ERV3-1: variants seen among roughly 807,000 people sequenced by gnomAD.
ERV3-1 encodes endogenous retrovirus group 3 member 1, envelope, also known as endogenous retrovirus group 3 member 1 Env polyprotein.
In ERV3-1, 36 loss-of-function variants were observed where a neutral mutation model predicts 24.6. The observed-to-expected ratio is 1.47, with a 90% CI of 1.12 to 1.94. The LOEUF (loss-of-function observed/expected upper bound fraction) is 1.94. Among genes scored for constraint, ERV3-1 ranks in the 30% most tolerant of loss-of-function variants. ERV3-1 has a pLI of 0.00. For missense variants in ERV3-1, 578 were observed against 330.9 expected (o/e 1.75, Z -5.79); for synonymous variants, 211 against 122.6 (o/e 1.72, Z -4.76).
At position 65,006,593 on chromosome 7, in the gene ERV3-1, C is replaced by G. The variant is rs548925782; in HGVS notation, c.-441G>C. Reference sequence around the variant, plus strand: ...CGTCTTAGCTGTGGATCTCCCAATACCTGCAGGTAACGAGGCCACAGAAGC... The same window carrying G: ...CGTCTTAGCTGTGGATCTCCCAATAGCTGCAGGTAACGAGGCCACAGAAGC... On this transcript the variant is annotated 5_prime_UTR_variant, in exon 1 of 2. Transcript: ENST00000394323. The G allele has an allele frequency of 1.9e-4, 296 of 1,572,918 alleles. 2 individuals carry two copies. In the South Asian group the frequency reaches 3.1e-3, roughly 16 times the overall value.
chr7:65,001,664 C>T (rs1037296731), intron 1 of ERV3-1, among the ~76,000 whole-genome samples: 2 of 152,268 alleles, frequency 1.3e-5, no homozygotes, highest in South Asian at 2.1e-4. Flanking sequence ...AGTGTGACAG[C>T]CTGTGTACAG....
In ERV3-1 at chr7:65,006,602, A is replaced by G. The variant is rs1023618573; in HGVS notation, c.-450T>C. On this transcript the variant is annotated 5_prime_UTR_variant, in exon 1 of 2. Coordinates refer to ENST00000394323, the MANE Select transcript of ERV3-1 (RefSeq NM_001007253.4). Reference sequence around the variant, plus strand: ...TGTGGATCTCCCAATACCTGCAGGTAACGAGGCCACAGAAGCTGGGCCTCT... The same window carrying G: ...TGTGGATCTCCCAATACCTGCAGGTGACGAGGCCACAGAAGCTGGGCCTCT... 3.2e-6 allele frequency: 5 copies of G among 1,567,478 alleles called. No homozygotes were observed. The African/African-American group carries it at 6.8e-5, about 21-fold the overall frequency.
In ERV3-1 at chr7:64,991,882, T is replaced by C. The variant is rs1400539188; in HGVS notation, c.1145A>G (p.Asn382Ser). 1 of 766,412 alleles carries C rather than the reference T, an allele frequency of 1.3e-6. No individual in the cohort carries two copies. Among genetic ancestry groups the C allele is most frequent in the Non-Finnish European group, 2.4e-6 (1 of 417,908 alleles). 47.5% of individuals were successfully genotyped at this position (766,412 alleles called of 1,614,324 possible). ...GCTTGGGTGTGGTGATTCAGAATTA[T>C]TGCTTTTGCCCCTCCATAAAGTCTT... ...LGKTLWRGKS[N>S]NSESPHPSPF... Residue 382 changes from asparagine (N) to serine (S), a missense_variant, in exon 2 of 2, where the codon AAT becomes AGT. Coordinates refer to ENST00000394323, the MANE Select transcript of ERV3-1 (RefSeq NM_001007253.4).
Position 64,993,204 on chromosome 7 carries a change from G to C in ERV3-1, c.-178C>G. 2 of 585,714 alleles carry C rather than the reference G, an allele frequency of 3.4e-6. No homozygotes were observed. Among genetic ancestry groups the C allele is most frequent in the Non-Finnish European group, 3.0e-6 (1 of 329,374 alleles). The allele number at this position is 585,714 out of a possible 1,614,324, so 36.3% of individuals were successfully genotyped here. A position where few individuals can be genotyped will look rare whatever the true frequency, so the allele number is the denominator to read the frequency against. On this transcript the variant is annotated 5_prime_UTR_variant, in exon 2 of 2. Transcript: ENST00000394323. ...CTAGTCAGCTTCTGGGGTGACTAGA[G>C]CAGGGCTGTTGTCTCCTCAAGCTTC...
chr7:65,005,647 T>C (rs1480561605), intron 1 of ERV3-1, among the ~76,000 whole-genome samples: 3 of 152,196 alleles, frequency 2.0e-5, no homozygotes, highest in Non-Finnish European at 4.4e-5. Context: ...TTTAGTATTT[T>C]ACTGCAAGCC....
Position 64,993,152 on chromosome 7 carries a change from A to G in ERV3-1, c.-126T>C. On this transcript the variant is annotated 5_prime_UTR_variant, in exon 2 of 2. Coordinates refer to ENST00000394323, the MANE Select transcript of ERV3-1 (RefSeq NM_001007253.4). ...TCTAACCACATTTACTTCCCTGATGATGACTCAAGCTTCGGCCGTGCATAG... is the reference window on the plus strand; with the variant it reads ...TCTAACCACATTTACTTCCCTGATGGTGACTCAAGCTTCGGCCGTGCATAG... 1.7e-6 allele frequency: 1 copy of G among 605,856 alleles called. No individual in the cohort carries two copies. The highest frequency in any genetic ancestry group is 2.0e-5 in the South Asian group (1 of 50,264). The allele number at this position is 605,856 out of a possible 1,614,324, so 37.5% of individuals were successfully genotyped here.
Position 64,991,377 on chromosome 7 carries a change from A to G in ERV3-1, c.1650T>C (p.Asn550=). ...ATKMRNVIYQ[N]RLALDYLLAQ... ...CTAGGAGGTAGTCTAAGGCCAGTCTATTTTGATAAATGACATTTCTCATTT... is the reference window on the plus strand; with the variant it reads ...CTAGGAGGTAGTCTAAGGCCAGTCTGTTTTGATAAATGACATTTCTCATTT... Residue 550 remains asparagine (N), a synonymous_variant, in exon 2 of 2, where the codon AAT becomes AAC. Transcript: ENST00000394323. 1.4e-6 allele frequency: 1 copy of G among 704,078 alleles called. No homozygotes were observed. Among genetic ancestry groups the G allele is most frequent in the East Asian group, 2.7e-5 (1 of 37,286 alleles). 43.6% of individuals were successfully genotyped at this position (704,078 alleles called of 1,614,324 possible). A position where few individuals can be genotyped will look rare whatever the true frequency, so the allele number is the denominator to read the frequency against.
chr7:65,001,582 C>T (rs534784721), intron 1 of ERV3-1, among the ~76,000 whole-genome samples: 53 of 152,122 alleles, frequency 3.5e-4, no homozygotes, highest in Non-Finnish European at 7.1e-4. Flanking sequence ...TATAAGAGCT[C>T]CTTTCCTCTA....
In ERV3-1 at chr7:64,992,518, G is replaced by A. The variant is rs182355196; in HGVS notation, c.509C>T (p.Thr170Met). 118 of 766,362 alleles carry A rather than the reference G, an allele frequency of 1.5e-4. 4 individuals are homozygous for A. The highest frequency in any genetic ancestry group is 1.5e-3 in the Admixed American group (90 of 59,032). 47.5% of individuals were successfully genotyped at this position (766,362 alleles called of 1,614,324 possible). A position where few individuals can be genotyped will look rare whatever the true frequency, so the allele number is the denominator to read the frequency against. The change falls in exon 2 of 2, where the codon ACG becomes ATG. Residue 170 changes from threonine to methionine, a missense_variant. Transcript: ENST00000394323. ...TAGTGATTGTTGGTTAGTGGACCAC[G>A]TTGTGCAGTCCCAGCAAGTTGTTAC... ...SPVTTCWDCTTWSTNQQSLGP... is the reference protein window; with the variant it reads ...SPVTTCWDCTMWSTNQQSLGP...
chr7:64,994,737 A>C (rs1211209740), intron 1 of ERV3-1, among the ~76,000 whole-genome samples: 2 of 152,222 alleles, frequency 1.3e-5, no homozygotes, highest in African/African-American at 4.8e-5. Flanking sequence ...CAGTGTGGCA[A>C]AAGCATATTT....
chr7:64,997,528 T>C (rs932231952), intron 1 of ERV3-1, among the ~76,000 whole-genome samples: 5 of 152,160 alleles, frequency 3.3e-5, no homozygotes, highest in African/African-American at 9.7e-5. Context: ...CCCACCTTCC[T>C]TTAGCCCTTG....
At chr7:65,002,614 C>T (rs1282650798) in intron 1 of ERV3-1, among the ~76,000 whole-genome samples, 3 of 152,230 alleles carry the variant, frequency 2.0e-5, no homozygotes, top group African/African-American at 7.2e-5. Context: ...AGGCATGAGC[C>T]ATTGTGCCCA....
At chr7:64,995,586 G>T (rs1362875955) in intron 1 of ERV3-1, among the ~76,000 whole-genome samples, 1 of 152,186 alleles carries the variant, frequency 6.6e-6, no homozygotes, top group Non-Finnish European at 1.5e-5. Flanking sequence ...GAACCCTGCT[G>T]CCCCTAAGAA....
At position 64,991,079 on chromosome 7, in the gene ERV3-1, G is replaced by A; in HGVS notation, c.*133C>T. The A allele has an allele frequency of 1.7e-6, 1 of 590,738 alleles. No individual in the cohort carries two copies. The highest frequency in any genetic ancestry group is 2.2e-5 in the South Asian group (1 of 45,030). The allele number at this position is 590,738 out of a possible 1,614,324, so 36.6% of individuals were successfully genotyped here. On this transcript the variant is annotated 3_prime_UTR_variant, in exon 2 of 2. Transcript: ENST00000394323. ...TCCACAAGAGCCTCTATGGCTGTTT[G>A]GATATTTTTGACAATGAGGGGTAAG...
Position 64,991,750 on chromosome 7 carries a change from T to C in ERV3-1, c.1277A>G (p.Tyr426Cys), listed in dbSNP as rs1440014356. The change falls in exon 2 of 2, where the codon TAT becomes TGT. Residue 426 changes from tyrosine to cysteine, a missense_variant. Coordinates refer to ENST00000394323, the MANE Select transcript of ERV3-1 (RefSeq NM_001007253.4). Reference protein sequence around the residue: ...GLYWICGPQAYRQLPAKWSGA... With the variant: ...GLYWICGPQACRQLPAKWSGA... ...TGACCATTTAGCTGGCAGTTGTCGA[T>C]ATGCTTGTGGCCCACAGATCCAGTA... 6 of 766,034 alleles carry C rather than the reference T, an allele frequency of 7.8e-6. No individual in the cohort carries two copies. The highest frequency in any genetic ancestry group is 1.4e-5 in the Non-Finnish European group (6 of 417,872). 47.5% of individuals were successfully genotyped at this position (766,034 alleles called of 1,614,324 possible). A position where few individuals can be genotyped will look rare whatever the true frequency, so the allele number is the denominator to read the frequency against.
At chr7:65,004,546 C>A (rs1300866269) in intron 1 of ERV3-1, 3 of 152,112 alleles carry the variant, frequency 2.0e-5, no homozygotes, top group African/African-American at 7.2e-5. Context: ...CTCTTTTATG[C>A]CCTTTGTAAA....
At chr7:65,003,920 A>G (rs1786577566) in intron 1 of ERV3-1, 3 of 152,184 alleles carry the variant, frequency 2.0e-5, no homozygotes, top group Admixed American at 2.0e-4. Context: ...TAACTCACCA[A>G]TTATCTACCA....
intron 1 of ERV3-1, among the ~76,000 whole-genome samples, chr7:65,003,261 C>T (rs74789875): frequency 0.032 from 4,942 of 152,248 alleles, 266 homozygotes; most frequent in African/African-American, 0.11. Flanking sequence ...GACCAAGGAT[C>T]ACCTGAGGTC....
chr7:65,003,115 G>A (rs563127197), intron 1 of ERV3-1, among the ~76,000 whole-genome samples: 3 of 152,060 alleles, frequency 2.0e-5, no homozygotes, highest in Non-Finnish European at 2.9e-5. Context: ...CAGTATAAAG[G>A]CTTCTTCCAT....
Sources: allele counts gnomAD v4.1 joint callset (sites outside exome capture counted in the v4.1 genomes callset), GRCh38; gene constraint gnomAD v4.1.1; transcripts MANE v1.5; gene names NCBI Gene and HGNC (gene_info 2026-07-23, HGNC 2026-07-21).